The following STAG2 variants were observed in gnomAD, a reference collection of about 807,000 sequenced individuals.
STAG2 encodes STAG2 cohesin complex component.
Under a neutral mutation model 108.1 loss-of-function variants are expected in STAG2, and 14 were observed. The observed-to-expected ratio is 0.13, with a 90% CI of 0.09 to 0.20. The LOEUF (loss-of-function observed/expected upper bound fraction) is 0.20, where lower values mean the gene tolerates loss of function less well. STAG2 is among the 10% of genes least tolerant of loss of function. STAG2 has a pLI of 1.00. For synonymous variants in STAG2, 307 were observed against 302.7 expected (o/e 1.01, Z -0.15); for missense variants, 440 against 940.9 (o/e 0.47, Z 6.96).
chrX:123,970,832 T>G (rs2054321836), intron 1 of STAG2, among the ~76,000 whole-genome samples: 1 of 111,941 alleles, frequency 8.9e-6, no homozygotes, highest in South Asian at 3.7e-4. Flanking sequence ...AAATGCTTTG[T>G]GTGTATTAGC....
intron 29 of STAG2, among the ~76,000 whole-genome samples, 165 bp downstream of exon 29, chrX:124,083,714 T>C (rs2059022535): frequency 8.9e-6 from 1 of 112,502 alleles, no homozygotes; most frequent in Admixed American, 9.5e-5. Context: ...ATTATAACTG[T>C]GTTTTATGCA....
intron 1 of STAG2, among the ~76,000 whole-genome samples, chrX:123,987,352 G>A (rs1374720146): frequency 1.8e-5 from 2 of 110,532 alleles, no homozygotes; most frequent in East Asian, 2.8e-4. Flanking sequence ...AAGTTCAGGC[G>A]ATTCTCCTGC....
chrX:124,039,444 C>T (rs1202097943), intron 6 of STAG2, among the ~76,000 whole-genome samples: 1 of 109,506 alleles, frequency 9.1e-6, no homozygotes, highest in East Asian at 2.8e-4. Flanking sequence ...CCACCATGCC[C>T]AGCTAGTTTT....
intron 6 of STAG2, among the ~76,000 whole-genome samples, chrX:124,038,591 A>G (rs2057596102): frequency 9.0e-6 from 1 of 111,533 alleles, no homozygotes; most frequent in South Asian, 3.7e-4. Flanking sequence ...AGATACCGTA[A>G]TATCTTTGAA....
Position 124,065,902 on chromosome X carries a change from A to G in STAG2, c.2052A>G (p.Ala684=), listed in dbSNP as rs758772093. 3 of 1,173,898 alleles carry G rather than the reference A, an allele frequency of 2.6e-6. No individual in the cohort carries two copies. The highest frequency in any genetic ancestry group is 4.0e-5 in the South Asian group (2 of 50,408). Residue 684 remains alanine (A), a synonymous_variant, in exon 21 of 35, where the codon GCA becomes GCG. Coordinates refer to ENST00000371145, the MANE Select transcript of STAG2 (RefSeq NM_001042750.2). The stretch of plus-strand genomic sequence containing the variant: ...GTGAAGAACCTGATGAAGATGATGC[A>G]TATCAGGTATTGTCAACATTGAAGA... ...QEGEEPDEDD[A]YQVLSTLKRI...
At chrX:124,071,579 TA>T (rs2058666360) in intron 25 of STAG2, among the ~76,000 whole-genome samples, 1 of 111,498 alleles carries the variant, frequency 9.0e-6, no homozygotes, top group South Asian at 3.7e-4. Context: ...AACTACCTCA[TA>T]AAACTGTTAA....
At chrX:124,097,312 A>G (rs1029634971) in intron 34 of STAG2, among the ~76,000 whole-genome samples, 12 of 110,212 alleles carry the variant, frequency 1.1e-4, no homozygotes, top group African/African-American at 4.0e-4. Flanking sequence ...GCAAGACTTT[A>G]TAGTACCTAA....
chrX:124,043,990 G>A (rs1364153728), intron 7 of STAG2, among the ~76,000 whole-genome samples: 1 of 111,392 alleles, frequency 9.0e-6, no homozygotes, highest in African/African-American at 3.3e-5. Flanking sequence ...AGAAAATGTT[G>A]TCTGATTTGA....
intron 5 of STAG2, among the ~76,000 whole-genome samples, chrX:124,034,328 A>G (rs1267113245): frequency 9.0e-6 from 1 of 111,603 alleles, no homozygotes; most frequent in Non-Finnish European, 1.9e-5. Flanking sequence ...CATTGTGCCT[A>G]GCTTGTTTTT....
chrX:123,991,555 G>C (rs2055466914), intron 1 of STAG2, among the ~76,000 whole-genome samples: 1 of 110,711 alleles, frequency 9.0e-6, no homozygotes, highest in African/African-American at 3.3e-5. Context: ...GTTTCACCAT[G>C]TTGGCAAGGC....
chrX:124,066,037 T>C, intron 21 of STAG2, 91 bp downstream of exon 21: 2 of 943,960 alleles, frequency 2.1e-6, no homozygotes, highest in Non-Finnish European at 2.9e-6. Flanking sequence ...AGCTAATTTG[T>C]TGTTGTCGTT....
chrX:124,025,836 A>G lies in STAG2; in HGVS notation c.45-4A>G. 8.7e-7 allele frequency: 1 copy of G among 1,155,899 alleles called. No individual in the cohort carries two copies. The highest frequency in any genetic ancestry group is 2.0e-5 in the South Asian group (1 of 50,043). On this transcript the variant is annotated splice_polypyrimidine_tract_variant and splice_region_variant and intron_variant, in intron 3 of 34. Transcript: ENST00000371145. The stretch of plus-strand genomic sequence containing the variant: ...GGGTTTTAATTCTTATCTTTCTGTC[A>G]CAGGGAGTCAGAAACACATTTTTCT...
chrX:124,048,637 C>T (rs2057944311), intron 9 of STAG2, among the ~76,000 whole-genome samples: 1 of 111,101 alleles, frequency 9.0e-6, no homozygotes, highest in African/African-American at 3.3e-5. Context: ...GCCATGTTGG[C>T]CAGGCTGGTC....
intron 13 of STAG2, among the ~76,000 whole-genome samples, chrX:124,054,053 T>G (rs1216770283): frequency 8.9e-6 from 1 of 112,237 alleles, no homozygotes; most frequent in Non-Finnish European, 1.9e-5. Context: ...ACTATATTGT[T>G]GAGGCTATGA....
chrX:124,093,980 A>G, intron 32 of STAG2, 38 bp from the exon 33 acceptor site: 3 of 1,203,970 alleles, frequency 2.5e-6, no homozygotes, highest in Non-Finnish European at 3.4e-6. Context: ...TAGTCACGAC[A>G]TTAGTTCAGA....
chrX:123,974,236 C>CT (rs201656151), intron 1 of STAG2, among the ~76,000 whole-genome samples: 14,312 of 98,664 alleles, frequency 0.15, 1,097 homozygotes, highest in South Asian at 0.34. Flanking sequence ...TTTCTTTTTT[C>CT]TTTTTTTTTT....
At chrX:124,042,536 CAT>C (rs2057751853) in intron 6 of STAG2, 31 bp from the exon 7 acceptor site, 1 of 1,029,650 alleles carries the variant, frequency 9.7e-7, no homozygotes, top group African/African-American at 1.9e-5. Context: ...TTTATCACAC[CAT>C]ATATTAACTT....
chrX:124,022,726 G>A, intron 3 of STAG2, 55 bp downstream of exon 3: 1 of 836,442 alleles, frequency 1.2e-6, no homozygotes, highest in Non-Finnish European at 1.7e-6. Flanking sequence ...CACAAAATGG[G>A]GAATGCATTA....
At chrX:124,008,443 C>T (rs778364930) in intron 1 of STAG2, among the ~76,000 whole-genome samples, 1 of 110,692 alleles carries the variant, frequency 9.0e-6, no homozygotes, top group South Asian at 3.9e-4. Context: ...AAACTCCCGA[C>T]CTCAGGTGAT....
Sources: gnomAD v4.1 joint callset for allele counts (sites outside exome capture counted in the v4.1 genomes callset) on GRCh38, gnomAD v4.1.1 for gene constraint, MANE v1.5 for transcripts, NCBI Gene and HGNC (gene_info 2026-07-23, HGNC 2026-07-21) for gene names.